Variants in HORMAD2 observed in about 807,000 individuals in gnomAD.
HORMAD2 encodes the protein HORMA domain-containing protein 2.
A neutral mutation model predicts 38.8 loss-of-function variants in HORMAD2; 45 were observed. That is an observed-to-expected ratio of 1.16 (90% CI 0.91 to 1.49). HORMAD2 has a LOEUF of 1.49. Among genes scored for constraint, HORMAD2 ranks in the 40% most tolerant of loss-of-function variants. HORMAD2 has a pLI of 0.00. For synonymous variants in HORMAD2, 126 were observed against 122.8 expected (o/e 1.03, Z -0.17); for missense variants, 338 against 367.0 (o/e 0.92, Z 0.65).
At chr22:30,138,981 G>A (rs573424075) in intron 10 of HORMAD2, among the ~76,000 whole-genome samples, 1 of 151,924 alleles carries the variant, frequency 6.6e-6, no homozygotes, top group African/African-American at 2.4e-5. Flanking sequence ...GATGTGTGTG[G>A]ATCTCATTGA....
intron 8 of HORMAD2, among the ~76,000 whole-genome samples, chr22:30,120,470 A>T (rs1280528392): frequency 6.6e-6 from 1 of 152,202 alleles, no homozygotes; most frequent in African/African-American, 2.4e-5. Context: ...GTTATTTTTC[A>T]TATTAAGAGC....
At chr22:30,147,829 G>A (rs913757125) in intron 10 of HORMAD2, among the ~76,000 whole-genome samples, 1 of 152,108 alleles carries the variant, frequency 6.6e-6, no homozygotes, top group Non-Finnish European at 1.5e-5. Flanking sequence ...GTATTAATGG[G>A]CTGGGCGTGG....
intron 1 of HORMAD2, among the ~76,000 whole-genome samples, chr22:30,089,258 A>G (rs1451178849): frequency 6.6e-6 from 1 of 152,218 alleles, no homozygotes; most frequent in Non-Finnish European, 1.5e-5. Context: ...GTTATTTTAC[A>G]AGTATTTTGG....
At chr22:30,081,903 A>C (rs902206648) in intron 1 of HORMAD2, among the ~76,000 whole-genome samples, 3 of 151,816 alleles carry the variant, frequency 2.0e-5, no homozygotes, top group Non-Finnish European at 2.9e-5. Context: ...TTATAGTTTT[A>C]TGTTTAGGTT....
chr22:30,131,689 A>G (rs1923295712), intron 10 of HORMAD2, among the ~76,000 whole-genome samples: 1 of 152,216 alleles, frequency 6.6e-6, no homozygotes, highest in Admixed American at 6.5e-5. Context: ...GCATATCCCA[A>G]ACATACACAC....
chr22:30,091,127 G>T (rs1477912660), intron 1 of HORMAD2, among the ~76,000 whole-genome samples: 1 of 152,086 alleles, frequency 6.6e-6, no homozygotes, highest in Admixed American at 6.6e-5. Flanking sequence ...TATCATCTAG[G>T]TTAATCTCTG....
At chr22:30,201,147 G>A in the HORMAD2 span, among the ~76,000 whole-genome samples, 6 of 152,158 alleles carry the variant, frequency 3.9e-5, no homozygotes, top group East Asian at 1.9e-4. Flanking sequence ...GAATCTGTTC[G>A]ATGCCTCTCC....
At chr22:30,156,113 C>G (rs1027700328) in intron 10 of HORMAD2, among the ~76,000 whole-genome samples, 2 of 152,204 alleles carry the variant, frequency 1.3e-5, no homozygotes, top group Non-Finnish European at 2.9e-5. Context: ...AAGCCATGCT[C>G]GCCCTCCACA....
Position 30,121,699 on chromosome 22 carries a change from C to T in HORMAD2, c.478C>T (p.Leu160=). The change falls in exon 9 of 11, where the codon CTG becomes TTG. Residue 160 remains leucine, a synonymous_variant. Transcript: ENST00000336726. ...AGATATTAAGAAAGCCAGTGTTCTA[C>T]TGATCCGTAAATTGTATATACTGAT... ...NEDIKKASVL[L]IRKLYILMQD... The T allele has an allele frequency of 6.2e-7, 1 of 1,610,232 alleles. No individual in the cohort carries two copies. Among genetic ancestry groups the T allele is most frequent in the Non-Finnish European group, 8.5e-7 (1 of 1,177,976 alleles).
intron 1 of HORMAD2, among the ~76,000 whole-genome samples, chr22:30,092,818 G>A (rs2068715014): frequency 1.3e-5 from 2 of 151,966 alleles, no homozygotes; most frequent in African/African-American, 4.8e-5. Context: ...ATTTATTTCT[G>A]GGTTCTCTAT....
At chr22:30,091,599 A>G (rs558359057) in intron 1 of HORMAD2, among the ~76,000 whole-genome samples, 1 of 152,148 alleles carries the variant, frequency 6.6e-6, no homozygotes, top group Non-Finnish European at 1.5e-5. Flanking sequence ...GTTGATGGAC[A>G]CTTAGGTTGA....
intron 7 of HORMAD2, among the ~76,000 whole-genome samples, chr22:30,116,829 C>T (rs1006511908): frequency 1.3e-5 from 2 of 152,168 alleles, no homozygotes; most frequent in Non-Finnish European, 2.9e-5. Flanking sequence ...AAAGATCACT[C>T]AGAGCATTAA....
chr22:30,088,057 A>ATACATATACACACACGTACACACGTG (rs1433065792), intron 1 of HORMAD2, among the ~76,000 whole-genome samples: 35 of 134,852 alleles, frequency 2.6e-4, no homozygotes, highest in East Asian at 3.9e-4. Flanking sequence ...GTACACACGT[A>ATACATATACACACACGTACACACGTG]TACATATACA....
intron 1 of HORMAD2, among the ~76,000 whole-genome samples, chr22:30,092,410 T>G (rs1039670610): frequency 2.0e-5 from 3 of 151,892 alleles, no homozygotes; most frequent in African/African-American, 4.8e-5. Context: ...TATTAATTCT[T>G]TCTTGGATGA....
At chr22:30,104,867 T>C (rs1253585637) in intron 5 of HORMAD2, among the ~76,000 whole-genome samples, 2 of 152,232 alleles carry the variant, frequency 1.3e-5, no homozygotes, top group African/African-American at 4.8e-5. Flanking sequence ...AAGTATAATC[T>C]ATTCCCTTAC....
chr22:30,167,712 A>G (rs948562385), intron 10 of HORMAD2, among the ~76,000 whole-genome samples: 1 of 152,202 alleles, frequency 6.6e-6, no homozygotes, highest in African/African-American at 2.4e-5. Context: ...TGAAGTCCCA[A>G]TAGGCTGTGC....
chr22:30,201,568 C>G, the HORMAD2 span, among the ~76,000 whole-genome samples: 1 of 152,092 alleles, frequency 6.6e-6, no homozygotes, highest in African/African-American at 2.4e-5. Context: ...CAGGCGCCCA[C>G]CCCCTCGCCC....
chr22:30,114,061 A>G (rs995191822), intron 7 of HORMAD2, among the ~76,000 whole-genome samples: 8 of 152,208 alleles, frequency 5.3e-5, no homozygotes, highest in African/African-American at 1.4e-4. Flanking sequence ...GTTTGAAACC[A>G]GTGTTTTTTG....
chr22:30,112,430 G>T, intron 6 of HORMAD2, 66 bp from the exon 7 acceptor site: 2 of 750,598 alleles, frequency 2.7e-6, no homozygotes, highest in Non-Finnish European at 2.2e-6. Context: ...ATATAAAAAA[G>T]GTATTTGATG....
Sources: gnomAD v4.1 joint callset for allele counts (sites outside exome capture counted in the v4.1 genomes callset) on GRCh38, gnomAD v4.1.1 for gene constraint, MANE v1.5 for transcripts, NCBI Gene and HGNC (gene_info 2026-07-23, HGNC 2026-07-21) for gene names.